Variants in YTHDC2 observed in about 807,000 individuals in gnomAD.
YTHDC2 encodes the protein 3'-5' RNA helicase YTHDC2.
Under a neutral mutation model 174.9 loss-of-function variants are expected in YTHDC2, and 45 were observed. That is an observed-to-expected ratio of 0.26 (90% CI 0.20 to 0.33). The LOEUF is 0.33. YTHDC2 is among the 10% of genes least tolerant of loss of function. The pLI, the probability that YTHDC2 is intolerant of heterozygous loss-of-function variation, is 1.00. For synonymous variants in YTHDC2, 657 were observed against 574.5 expected, an observed-to-expected ratio of 1.14 and a Z score of -2.05; for missense variants, 1,650 against 1,723.7, an observed-to-expected ratio of 0.96 and a Z score of 0.76.
intron 12 of YTHDC2, among the ~76,000 whole-genome samples, chr5:113,550,198 T>C (rs550580531): frequency 1.5e-4 from 22 of 151,316 alleles, no homozygotes; most frequent in Non-Finnish European, 3.1e-4. Context: ...TACAGAGGAT[T>C]GTTTTGATGA....
intron 12 of YTHDC2, among the ~76,000 whole-genome samples, chr5:113,552,528 A>G (rs1018580724): frequency 3.3e-5 from 5 of 152,118 alleles, no homozygotes; most frequent in African/African-American, 9.7e-5. Context: ...TACATATTCT[A>G]TGGATATACC....
At chr5:113,583,585 A>T (rs1462044901) in intron 25 of YTHDC2, 1 of 152,304 alleles carries the variant, frequency 6.6e-6, no homozygotes, top group Non-Finnish European at 1.5e-5. Context: ...CCTGGGTTCA[A>T]GCAATTTCCT....
Position 113,579,696 on chromosome 5 carries a change from G to T in YTHDC2, c.3354+1G>T. The stretch of plus-strand genomic sequence containing the variant: ...GCTCCATTTCACACTGGAGCCAGAG[G>T]TAAGTTGCTTTCAAGTAGTGTAATA... On this transcript the variant is annotated splice_donor_variant, in intron 24 of 29. Transcript: ENST00000161863. LOFTEE classifies it high-confidence loss of function. 6.2e-7 allele frequency: 1 copy of T among 1,600,170 alleles called. No homozygotes were observed. Among genetic ancestry groups the T allele is most frequent in the Non-Finnish European group, 8.5e-7 (1 of 1,173,568 alleles).
intron 23 of YTHDC2, 73 bp from the exon 24 acceptor site, chr5:113,579,513 T>A: frequency 8.7e-7 from 1 of 1,154,644 alleles, no homozygotes; most frequent in South Asian, 1.7e-5. Flanking sequence ...ATGAAGCGTA[T>A]TTATTCTTCT....
intron 4 of YTHDC2, among the ~76,000 whole-genome samples, chr5:113,527,057 C>G (rs987287670): frequency 6.6e-6 from 1 of 151,914 alleles, no homozygotes; most frequent in African/African-American, 2.4e-5. Flanking sequence ...AGTTGGGAAA[C>G]TGATTTGGTA....
chr5:113,579,953 T>C (rs1472815966), intron 24 of YTHDC2: 3 of 979,794 alleles, frequency 3.1e-6, no homozygotes, highest in Non-Finnish European at 3.6e-6. Context: ...TATAGTAATT[T>C]ATAAAGAACA....
chr5:113,567,546 C>T, intron 22 of YTHDC2, 108 bp from the exon 23 acceptor site: 3 of 988,516 alleles, frequency 3.0e-6, no homozygotes, highest in Admixed American at 3.3e-5. Flanking sequence ...TGCTTACGTA[C>T]TAATATACAT....
intron 9 of YTHDC2, among the ~76,000 whole-genome samples, chr5:113,541,991 G>A (rs113854794): frequency 2.6e-5 from 4 of 152,246 alleles, no homozygotes; most frequent in African/African-American, 7.2e-5. Context: ...AGATTCTGAT[G>A]CACTTGCTCT....
intron 23 of YTHDC2, among the ~76,000 whole-genome samples, chr5:113,576,198 TGATATTTATAGACATGAGAATG>T (rs1778035214): frequency 6.6e-6 from 1 of 152,108 alleles, no homozygotes; most frequent in Admixed American, 6.6e-5. Flanking sequence ...AGCTTGTAAA[TGATATTTATAGACATGAGAATG>T]GATTTCTTAA....
At chr5:113,516,151 T>G (rs1363674929) in intron 2 of YTHDC2, among the ~76,000 whole-genome samples, 2 of 152,222 alleles carry the variant, frequency 1.3e-5, no homozygotes, top group African/African-American at 4.8e-5. Flanking sequence ...GAGAAAAATA[T>G]TTTTATTTTT....
chr5:113,593,379 A>G lies in YTHDC2; in HGVS notation c.4289A>G (p.Asp1430Gly). 6.2e-7 allele frequency: 1 copy of G among 1,611,854 alleles called. No individual in the cohort carries two copies. The highest frequency in any genetic ancestry group is 8.5e-7 in the Non-Finnish European group (1 of 1,178,430). The change falls in exon 29 of 30, where the codon GAT becomes GGT. Residue 1430 changes from aspartate (D) to glycine (G), a missense_variant. By Grantham distance (94) the Asp-to-Gly change is moderately conservative (BLOSUM62 -1). Transcript: ENST00000161863. ...CCCTTGGGAGAAAAAAACACAACTG[A>G]TTGACACTCAGGTTATACCATCTTG... ...RLPLGEKNTT[D>G]
chr5:113,529,218 T>C (rs1340545286), intron 4 of YTHDC2, among the ~76,000 whole-genome samples: 1 of 152,196 alleles, frequency 6.6e-6, no homozygotes, highest in East Asian at 1.9e-4. Flanking sequence ...TTTCAAGACA[T>C]GGAGGTTTTA....
chr5:113,514,329 T>C (rs1043545648), intron 1 of YTHDC2: 5 of 683,608 alleles, frequency 7.3e-6, no homozygotes, highest in African/African-American at 3.5e-5. Flanking sequence ...CTGAAAGTGT[T>C]TTTCCCCCGC....
intron 8 of YTHDC2, among the ~76,000 whole-genome samples, chr5:113,540,417 C>T (rs1775371518): frequency 1.3e-5 from 2 of 152,296 alleles, no homozygotes; most frequent in South Asian, 4.1e-4. Context: ...CATTTTCACA[C>T]TGCTGTAAAG....
intron 4 of YTHDC2, among the ~76,000 whole-genome samples, chr5:113,532,349 G>A (rs1378493150): frequency 1.3e-5 from 2 of 152,106 alleles, no homozygotes; most frequent in Non-Finnish European, 1.5e-5. Flanking sequence ...TGGTGGCAGG[G>A]AGTAGGTAAG....
intron 23 of YTHDC2, among the ~76,000 whole-genome samples, chr5:113,576,783 TTA>T (rs1279886907): frequency 6.6e-6 from 1 of 152,058 alleles, no homozygotes; most frequent in Non-Finnish European, 1.5e-5. Flanking sequence ...TTTAAAGATG[TTA>T]TTAATCTTTT....
At position 113,594,423 on chromosome 5, in the gene YTHDC2, C is replaced by T. The variant is rs551964786; in HGVS notation, c.*949C>T. The T allele has an allele frequency of 3.3e-5, 5 of 152,266 alleles. No homozygotes were observed. The highest frequency in any genetic ancestry group is 1.9e-4 in the East Asian group (1 of 5,188). The allele number at this position is 152,266 out of a possible 1,614,324, so 9.4% of individuals were successfully genotyped here. ...CGTCTTCCAAACTAAAGCCTGCAAG[C>T]GCCACAATTCTAAGTGCCGCCTTCC... is the stretch of plus-strand genomic sequence containing the variant. On this transcript the variant is annotated 3_prime_UTR_variant, in exon 30 of 30. Transcript: ENST00000161863.
At chr5:113,561,264 C>A in intron 18 of YTHDC2, 79 bp downstream of exon 18, 1 of 1,074,852 alleles carries the variant, frequency 9.3e-7, no homozygotes, top group Non-Finnish European at 1.3e-6. Context: ...ATGGATTAGG[C>A]CTTTAAAAAA....
chr5:113,547,533 A>C (rs1387440283), intron 10 of YTHDC2, among the ~76,000 whole-genome samples: 3 of 152,178 alleles, frequency 2.0e-5, no homozygotes, highest in Non-Finnish European at 4.4e-5. Context: ...ATCAGTTGTA[A>C]AAAATGTTCC....
Sources: allele counts gnomAD v4.1 joint callset (sites outside exome capture counted in the v4.1 genomes callset), GRCh38; gene constraint gnomAD v4.1.1; transcripts MANE v1.5; gene names NCBI Gene and HGNC (gene_info 2026-07-23, HGNC 2026-07-21).